Variants in KNDC1 observed in about 807,000 individuals in gnomAD.
KNDC1 encodes kinase non-catalytic C-lobe domain-containing protein 1.
In KNDC1, 106 loss-of-function variants were observed where a neutral mutation model predicts 172.8. The observed-to-expected ratio is 0.61, with a 90% CI of 0.52 to 0.72. The LOEUF (loss-of-function observed/expected upper bound fraction) is 0.72. Among genes scored for constraint, KNDC1 ranks in the 30% least tolerant of loss-of-function variants. KNDC1 has a pLI of 0.00. For synonymous variants in KNDC1, 1,083 were observed against 1,062.2 expected, an observed-to-expected ratio of 1.02 and a Z score of -0.38; for missense variants, 2,325 against 2,394.5, an observed-to-expected ratio of 0.97 and a Z score of 0.61.
At chr10:133,168,893 G>A (rs1853276611) in intron 3 of KNDC1, among the ~76,000 whole-genome samples, 1 of 152,238 alleles carries the variant, frequency 6.6e-6, no homozygotes, top group South Asian at 2.1e-4. Flanking sequence ...TTGCGTGGGA[G>A]GAGTCGGGCA....
At chr10:133,198,290 C>G in intron 12 of KNDC1, 47 bp from the exon 13 acceptor site, 1 of 1,499,596 alleles carries the variant, frequency 6.7e-7, no homozygotes, top group East Asian at 2.5e-5. Context: ...GCGGCACGTG[C>G]TGGGGCCACT....
At chr10:133,177,010 G>A (rs1051136464) in intron 3 of KNDC1, among the ~76,000 whole-genome samples, 6 of 152,230 alleles carry the variant, frequency 3.9e-5, no homozygotes, top group Non-Finnish European at 7.3e-5. Context: ...TGCGTTCCCT[G>A]CTGCCCTGCA....
At chr10:133,217,000 C>T (rs1260104332) in intron 26 of KNDC1, among the ~76,000 whole-genome samples, 1 of 152,230 alleles carries the variant, frequency 6.6e-6, no homozygotes, top group Non-Finnish European at 1.5e-5. Flanking sequence ...GACAAAGTAG[C>T]AGGGTGGGCG....
In KNDC1 at chr10:133,209,596, T is replaced by C. The variant is rs1845313804; in HGVS notation, c.3795-1015T>C. On this transcript the variant is annotated intron_variant, in intron 20 of 29. Transcript: ENST00000304613. This position sits in a 1 kb window ranked among gnomAD's most constrained non-coding sequence, Gnocchi z 4.9. ...TCCACGTGTGTGGCGTGCGTGTCTGTGGTTGTACAGTTTGTGGCTTGCATG... is the reference window on the plus strand; with the variant it reads ...TCCACGTGTGTGGCGTGCGTGTCTGCGGTTGTACAGTTTGTGGCTTGCATG... Among the ~76,000 whole-genome samples, 1 of 152,000 alleles carries C rather than the reference T, an allele frequency of 6.6e-6. No homozygotes were observed. The highest frequency in any genetic ancestry group is 1.5e-5 in the Non-Finnish European group (1 of 67,966).
At chr10:133,214,176 G>T in intron 26 of KNDC1, 54 bp downstream of exon 26, 1 of 1,593,224 alleles carries the variant, frequency 6.3e-7, no homozygotes, top group Non-Finnish European at 8.6e-7. Context: ...CACCTACGCG[G>T]GGGTGGCAGC....
chr10:133,196,349 A>G (rs1854191099), intron 10 of KNDC1, among the ~76,000 whole-genome samples: 1 of 152,080 alleles, frequency 6.6e-6, no homozygotes, highest in Non-Finnish European at 1.5e-5. Flanking sequence ...CATGGGGACC[A>G]GCGGGTGGAC....
rs1471666794 is a variant in KNDC1 at position 133,198,568 on chromosome 10, C to T, written c.2070-10C>T. The T allele has an allele frequency of 6.3e-7, 1 of 1,582,356 alleles. No individual in the cohort carries two copies. Among genetic ancestry groups the T allele is most frequent in the Non-Finnish European group, 8.6e-7 (1 of 1,161,956 alleles). ...CAGGCAGCCCCTCCTGAGCTCTGCT[C>T]CTCCCGTAGGGACCAGCCTGCCTTG... On this transcript the variant is annotated splice_polypyrimidine_tract_variant and intron_variant, in intron 13 of 29. Coordinates refer to ENST00000304613, the MANE Select transcript of KNDC1 (RefSeq NM_152643.8).
At chr10:133,223,980 T>C (rs1437737662) in intron 29 of KNDC1, among the ~76,000 whole-genome samples, 1 of 134,134 alleles carries the variant, frequency 7.5e-6, no homozygotes, top group Non-Finnish European at 1.6e-5. Context: ...CTTCCCGGCG[T>C]GTGTGTGTGT....
intron 12 of KNDC1, 56 bp from the exon 13 acceptor site, chr10:133,198,281 C>G (rs1426521261): frequency 6.8e-7 from 1 of 1,478,510 alleles, no homozygotes. Context: ...GCCGGTGGTG[C>G]GGCACGTGCT....
At position 133,197,764 on chromosome 10, in the gene KNDC1, CCCAGGTGGGGACCTGA is replaced by C; in HGVS notation, c.1906+1_1906+16del. ...GTGTGGCACCAGCCCCAGAGCCCAG[CCCAGGTGGGGACCTGA>C]CCAGCCCCTGCTGCCCCACCAGCTC... On this transcript the variant is annotated splice_donor_variant and splice_donor_5th_base_variant and coding_sequence_variant and intron_variant, in exon 12 of 30. Transcript: ENST00000304613. LOFTEE classifies it high-confidence loss of function. 1 of 1,610,786 alleles carries C rather than the reference CCCAGGTGGGGACCTGA, an allele frequency of 6.2e-7. No individual in the cohort carries two copies. The highest frequency in any genetic ancestry group is 8.5e-7 in the Non-Finnish European group (1 of 1,179,142).
chr10:133,223,619 G>A (rs1315972535), intron 29 of KNDC1, among the ~76,000 whole-genome samples: 1 of 64,198 alleles, frequency 1.6e-5, no homozygotes, highest in Non-Finnish European at 2.8e-5. Flanking sequence ...GCCCATCCAG[G>A]CATGCTCTTC....
rs1046588636 is a variant in KNDC1 at position 133,186,542 on chromosome 10, T to C, written c.1194T>C (p.Thr398=). The change falls in exon 6 of 30, where the codon ACT becomes ACC. Residue 398 remains threonine (T), a synonymous_variant. Coordinates refer to ENST00000304613, the MANE Select transcript of KNDC1 (RefSeq NM_152643.8). Reference sequence around the variant, plus strand: ...CCGGCAGTCCAGGACAGCCCGAGACTTCACACCCCAGCCAGGGGCCAGCAG... The same window carrying C: ...CCGGCAGTCCAGGACAGCCCGAGACCTCACACCCCAGCCAGGGGCCAGCAG... The part of the protein sequence containing the change: ...GVPGSPGQPE[T]SHPSQGPAEA... 1.2e-6 allele frequency: 2 copies of C among 1,611,448 alleles called. No homozygotes were observed. Among genetic ancestry groups the C allele is most frequent in the Non-Finnish European group, 1.7e-6 (2 of 1,179,856 alleles).
At chr10:133,215,134 T>C (rs905587526) in intron 26 of KNDC1, among the ~76,000 whole-genome samples, 33 of 152,258 alleles carry the variant, frequency 2.2e-4, no homozygotes. Context: ...AGCAGGCAGG[T>C]AGACGCCCAC....
At chr10:133,204,277 C>G (rs1362479132) in intron 17 of KNDC1, among the ~76,000 whole-genome samples, 1 of 152,226 alleles carries the variant, frequency 6.6e-6, no homozygotes, top group East Asian at 1.9e-4. Flanking sequence ...TAGACGCTGT[C>G]CACCGGGTAG....
intron 28 of KNDC1, among the ~76,000 whole-genome samples, chr10:133,219,696 T>C (rs1407503447): frequency 6.6e-6 from 1 of 152,200 alleles, no homozygotes; most frequent in African/African-American, 2.4e-5. Context: ...GGAAAGGGAC[T>C]CACCATTTCA....
chr10:133,186,596 C>G lies in KNDC1; in HGVS notation c.1248C>G (p.Ser416Arg), dbSNP rs140414841. The G allele has an allele frequency of 6.2e-7, 1 of 1,602,994 alleles. No individual in the cohort carries two copies. The highest frequency in any genetic ancestry group is 8.5e-7 in the Non-Finnish European group (1 of 1,179,704). ...CCCCTGCAGACCCTCGAGATGCTAGCGGTGAAGCCCAGACTCCCAGGGACG... is the reference window on the plus strand; with the variant it reads ...CCCCTGCAGACCCTCGAGATGCTAGGGGTGAAGCCCAGACTCCCAGGGACG... ...AEAPADPRDA[S>R]GEAQTPRDDE... is the part of the protein sequence containing the mutation. Residue 416 changes from serine to arginine, a missense_variant, in exon 6 of 30, where the codon AGC becomes AGG. Transcript: ENST00000304613.
At chr10:133,164,632 T>G (rs1033938215) in intron 1 of KNDC1, among the ~76,000 whole-genome samples, 1 of 152,166 alleles carries the variant, frequency 6.6e-6, no homozygotes, top group African/African-American at 2.4e-5. Flanking sequence ...TGGGCGTATT[T>G]TACTTGAGCA....
intron 5 of KNDC1, 31 bp downstream of exon 5, chr10:133,184,020 T>TCCTG (rs138319019): frequency 1.5e-6 from 2 of 1,325,670 alleles, no homozygotes; most frequent in South Asian, 2.6e-5. Flanking sequence ...ACGTGCATCC[T>TCCTG]CATGCACATA....
intron 3 of KNDC1, among the ~76,000 whole-genome samples, chr10:133,177,357 C>G (rs1465199206): frequency 6.6e-6 from 1 of 152,074 alleles, no homozygotes; most frequent in Non-Finnish European, 1.5e-5. Context: ...GCATGGCATG[C>G]TATGTCTGTG....
Sources: allele counts gnomAD v4.1 joint callset (sites outside exome capture counted in the v4.1 genomes callset), GRCh38; gene constraint gnomAD v4.1.1; non-coding constraint Gnocchi (gnomAD v3.1); transcripts MANE v1.5; gene names NCBI Gene and HGNC (gene_info 2026-07-23, HGNC 2026-07-21).